ASMTL: variants seen among roughly 807,000 people sequenced by gnomAD.
The protein encoded by ASMTL is probable bifunctional dTTP/UTP pyrophosphatase/methyltransferase protein.
ASMTL carries 57 observed loss-of-function variants against 60.3 expected under a neutral mutation model. The ratio of observed to expected loss-of-function variants is 0.95; its 90% confidence interval spans 0.76 to 1.18. The LOEUF (loss-of-function observed/expected upper bound fraction) is 1.18. Ranked by LOEUF, ASMTL falls within the 50% of genes most tolerant of loss-of-function variation. The pLI is 0.00. For missense variants in ASMTL, 981 were observed against 852.6 expected, an observed-to-expected ratio of 1.15 and a Z score of -1.88; for synonymous variants, 419 against 373.0, an observed-to-expected ratio of 1.12 and a Z score of -1.42.
At chrX:1,414,185 G>A (rs2090149857) in intron 11 of ASMTL, among the ~76,000 whole-genome samples, 1 of 151,982 alleles carries the variant, frequency 6.6e-6, no homozygotes, top group Non-Finnish European at 1.5e-5. Flanking sequence ...GGGACACCCG[G>A]AGCCCCCAGG....
intron 11 of ASMTL, among the ~76,000 whole-genome samples, chrX:1,416,119 A>G (rs1257634121): frequency 3.3e-5 from 5 of 151,402 alleles, no homozygotes; most frequent in East Asian, 3.9e-4. Flanking sequence ...ACCAACAGGC[A>G]CACACAGACG....
intron 11 of ASMTL, among the ~76,000 whole-genome samples, chrX:1,416,497 GCACA>G (rs368635213): frequency 2.8e-4 from 31 of 110,968 alleles, no homozygotes; most frequent in East Asian, 8.3e-4. Flanking sequence ...ACAGCGACAG[GCACA>G]CACACACGGA....
chrX:1,422,673 A>G (rs1222188259), intron 8 of ASMTL, among the ~76,000 whole-genome samples: 2 of 152,088 alleles, frequency 1.3e-5, no homozygotes, highest in African/African-American at 2.4e-5. Context: ...CGGTCCTCCT[A>G]TGTAAGAAAC....
At position 1,425,876 on chromosome X, in the gene ASMTL, A is replaced by G. The variant is rs185160017; in HGVS notation, c.898-189T>C. On this transcript the variant is annotated intron_variant, in intron 7 of 12. Transcript: ENST00000381317. ...TATAAAACAAGGTGTACACAAGGAA[A>G]AAGCACATCAACGAATATCATGCAG... is the stretch of plus-strand genomic sequence containing the variant. 4.1e-3 allele frequency among the ~76,000 whole-genome samples: 629 copies of G among 152,302 alleles called. 3 individuals carry two copies. The highest frequency in any genetic ancestry group is 7.9e-3 in the South Asian group (38 of 4,826).
At chrX:1,451,527 C>T (rs1430930461) in intron 1 of ASMTL, among the ~76,000 whole-genome samples, 3 of 149,782 alleles carry the variant, frequency 2.0e-5, no homozygotes, top group Admixed American at 2.0e-4. Context: ...TCCCCTCCCC[C>T]ATCCCTAGGG....
chrX:1,434,615 C>T (rs1352080292), intron 5 of ASMTL, among the ~76,000 whole-genome samples: 2 of 151,376 alleles, frequency 1.3e-5, no homozygotes, highest in Non-Finnish European at 2.9e-5. Context: ...ACCAGCCTGG[C>T]CAACATGGTG....
At chrX:1,418,169 C>G (rs1449208147) in intron 10 of ASMTL, 53 bp from the exon 11 acceptor site, 7 of 1,534,920 alleles carry the variant, frequency 4.6e-6, no homozygotes, top group Non-Finnish European at 6.2e-6. Flanking sequence ...GGAACTCTGA[C>G]GACTCTCCAA....
At chrX:1,448,218 C>A (rs1158049078) in intron 1 of ASMTL, among the ~76,000 whole-genome samples, 3 of 150,550 alleles carry the variant, frequency 2.0e-5, no homozygotes, top group African/African-American at 4.9e-5. Context: ...TGGACACACA[C>A]CATCTTGGAC....
At chrX:1,412,971 G>C (rs1343572886) in intron 11 of ASMTL, 117 bp from the exon 12 acceptor site, 13 of 1,109,222 alleles carry the variant, frequency 1.2e-5, no homozygotes, top group Non-Finnish European at 1.8e-5. Flanking sequence ...AGAGGGGTGT[G>C]GGCGGGAATG....
chrX:1,404,007 G>C (rs2089695288), intron 12 of ASMTL, among the ~76,000 whole-genome samples: 2 of 151,522 alleles, frequency 1.3e-5, no homozygotes, highest in African/African-American at 4.9e-5. Flanking sequence ...TGAATAGATG[G>C]TACATGATGG....
At chrX:1,434,969 C>G in intron 5 of ASMTL, 53 bp downstream of exon 5, 1 of 1,600,560 alleles carries the variant, frequency 6.2e-7, no homozygotes, top group Non-Finnish European at 8.6e-7. Flanking sequence ...CGAGAATGTC[C>G]CGGGTCCTTG....
intron 11 of ASMTL, among the ~76,000 whole-genome samples, chrX:1,414,733 GTC>G (rs1392230952): frequency 1.3e-5 from 2 of 152,008 alleles, no homozygotes; most frequent in Non-Finnish European, 2.9e-5. Flanking sequence ...CAGCATTTCT[GTC>G]TCTGCAGATC....
At chrX:1,442,792 C>T (rs2064395796) in intron 1 of ASMTL, among the ~76,000 whole-genome samples, 1 of 152,158 alleles carries the variant, frequency 6.6e-6, no homozygotes, top group African/African-American at 2.4e-5. Flanking sequence ...CTACGTCAAT[C>T]CCTGGTACCC....
chrX:1,439,792 C>T (rs2091062035), intron 2 of ASMTL, among the ~76,000 whole-genome samples: 1 of 148,170 alleles, frequency 6.7e-6, no homozygotes, highest in African/African-American at 2.5e-5. Flanking sequence ...GCCAAGGTTG[C>T]GCACCTGCAC....
rs762697293 is a variant in ASMTL, at chrX:1,432,314, A to C, written c.464T>G (p.Leu155Arg). ...GTATTCCCAGAGCAGCTCCTCGGAC[A>C]GCTCCGAGAACTTCACCTTCGTTTC... is the stretch of plus-strand genomic sequence containing the variant. The part of the protein sequence containing the change: ...YEETKVKFSE[L>R]SEELLWEYVH... Residue 155 changes from leucine (L) to arginine (R), a missense_variant, in exon 6 of 13, where the codon CTG (leucine) becomes CGG (arginine). Physicochemically the swap from Leu to Arg is moderately radical, Grantham distance 102 (BLOSUM62 -2). Transcript: ENST00000381317. The C allele has an allele frequency of 1.2e-6, 2 of 1,612,806 alleles. No individual in the cohort carries two copies. Among genetic ancestry groups the C allele is most frequent in the Non-Finnish European group, 1.7e-6 (2 of 1,179,678 alleles).
chrX:1,404,809 G>A (rs1359310129), intron 12 of ASMTL, among the ~76,000 whole-genome samples: 1 of 151,768 alleles, frequency 6.6e-6, no homozygotes, highest in Non-Finnish European at 1.5e-5. Flanking sequence ...GGATGAGATG[G>A]ATGGATGGGT....
At position 1,442,237 on chromosome X, in the gene ASMTL, G is replaced by C. The variant is rs2091123883; in HGVS notation, c.174C>G (p.Ala58=). The C allele has an allele frequency of 6.8e-6, 11 of 1,613,746 alleles. No homozygotes were observed. Among genetic ancestry groups the C allele is most frequent in the Non-Finnish European group, 8.5e-6 (10 of 1,179,872 alleles). Residue 58 remains alanine (A), a synonymous_variant, in exon 2 of 13, where the codon GCC becomes GCG. Coordinates refer to ENST00000381317, the MANE Select transcript of ASMTL (RefSeq NM_004192.4). The stretch of plus-strand genomic sequence containing the variant: ...GGGCCTTCTGCTTGGCGGTCTCCAT[G>C]GCGTACCCATACGGAGTAGCGAAGG... ...KASFATPYGY[A]METAKQKALE...
intron 6 of ASMTL, among the ~76,000 whole-genome samples, chrX:1,431,244 T>C (rs1332492374): frequency 2.4e-5 from 3 of 126,236 alleles, no homozygotes; most frequent in Non-Finnish European, 4.7e-5. Context: ...TATTTATATA[T>C]AATTATAAAT....
chrX:1,426,156 G>C (rs1232063542), intron 7 of ASMTL, among the ~76,000 whole-genome samples: 1 of 152,010 alleles, frequency 6.6e-6, no homozygotes, highest in Non-Finnish European at 1.5e-5. Context: ...ACAGGGAGAA[G>C]ACAGCATCTC....
Sources: gnomAD v4.1 joint callset for allele counts (sites outside exome capture counted in the v4.1 genomes callset) on GRCh38, gnomAD v4.1.1 for gene constraint, MANE v1.5 for transcripts, NCBI Gene and HGNC (gene_info 2026-07-23, HGNC 2026-07-21) for gene names.